FHIT: variants seen among roughly 807,000 people sequenced by gnomAD.
FHIT encodes bis(5'-adenosyl)-triphosphatase.
A neutral mutation model predicts 17.9 loss-of-function variants in FHIT; 19 were observed. The ratio of observed to expected loss-of-function variants is 1.06; its 90% CI spans 0.74 to 1.56. The LOEUF (loss-of-function observed/expected upper bound fraction) is 1.56. FHIT is among the 40% of genes most tolerant of loss of function. The pLI is 0.00. For synonymous variants in FHIT, 81 were observed against 69.7 expected (o/e 1.16, Z -0.81); for missense variants, 248 against 189.2 (o/e 1.31, Z -1.82).
intron 2 of FHIT, among the ~76,000 whole-genome samples, chr3:61,190,873 T>C (rs1396245211): frequency 7.2e-6 from 1 of 139,452 alleles, no homozygotes; most frequent in Non-Finnish European, 1.5e-5. Context: ...TAGCTGGGAA[T>C]TGAACAATGA....
rs143753513 is a variant in FHIT at position 60,214,795 on chromosome 3, A to G, written c.104-200643T>C. Reference sequence around the variant, plus strand: ...CCCATCAACAGTGAACTGGATAAAGAAAATGTGGTACATATATACCACAGA... The same window carrying G: ...CCCATCAACAGTGAACTGGATAAAGGAAATGTGGTACATATATACCACAGA... On this transcript the variant is annotated intron_variant, in intron 5 of 9. Coordinates refer to ENST00000492590, the MANE Select transcript of FHIT (RefSeq NM_002012.4). Among the ~76,000 whole-genome samples, 996 of 152,288 alleles carry G rather than the reference A, an allele frequency of 6.5e-3. 9 individuals carry two copies. The highest frequency in any genetic ancestry group is 0.027 in the Middle Eastern group (8 of 294).
intron 2 of FHIT, among the ~76,000 whole-genome samples, chr3:61,177,525 T>C (rs1358814603): frequency 6.6e-6 from 1 of 152,172 alleles, no homozygotes; most frequent in Non-Finnish European, 1.5e-5. Flanking sequence ...TATTTTCCAA[T>C]ACCAAAATAT....
intron 3 of FHIT, among the ~76,000 whole-genome samples, chr3:60,904,037 A>G (rs1272161430): frequency 6.6e-6 from 1 of 152,196 alleles, no homozygotes; most frequent in African/African-American, 2.4e-5. Flanking sequence ...TAAACGAGAA[A>G]GAGTATCACT....
intron 4 of FHIT, among the ~76,000 whole-genome samples, chr3:60,757,740 G>A (rs1699495138): frequency 6.6e-6 from 1 of 152,194 alleles, no homozygotes; most frequent in Admixed American, 6.5e-5. Context: ...GGAATTAATT[G>A]TAAGCACAAG....
At chr3:60,586,802 T>A (rs62249089) in intron 4 of FHIT, among the ~76,000 whole-genome samples, 1 of 151,922 alleles carries the variant, frequency 6.6e-6, no homozygotes, top group African/African-American at 2.4e-5. Context: ...TGAAAACTCA[T>A]GGATACAAAG....
At chr3:60,616,898 T>A (rs1296215373) in intron 4 of FHIT, 1 of 153,364 alleles carries the variant, frequency 6.5e-6, no homozygotes, top group Non-Finnish European at 1.5e-5. Context: ...AACTTTCACT[T>A]TAATTCAAAA....
intron 2 of FHIT, among the ~76,000 whole-genome samples, chr3:61,123,259 C>G (rs183940190): frequency 9.9e-5 from 15 of 152,142 alleles, no homozygotes; most frequent in African/African-American, 3.6e-4. Context: ...GAACAGAAAA[C>G]CAAACACTGC....
At chr3:60,648,963 T>C (rs1367981132) in intron 4 of FHIT, among the ~76,000 whole-genome samples, 1 of 152,194 alleles carries the variant, frequency 6.6e-6, no homozygotes, top group Non-Finnish European at 1.5e-5. Context: ...GCAGTTAACA[T>C]TGTGTATGCC....
At chr3:59,958,449 G>GA (rs1172242653) in intron 7 of FHIT, among the ~76,000 whole-genome samples, 2 of 151,966 alleles carry the variant, frequency 1.3e-5, no homozygotes, top group Admixed American at 6.6e-5. Flanking sequence ...TTCCTCTTTT[G>GA]AAAAAAACTC....
intron 3 of FHIT, among the ~76,000 whole-genome samples, chr3:60,952,224 C>T (rs1351986560): frequency 1.4e-5 from 2 of 147,824 alleles, no homozygotes; most frequent in Non-Finnish European, 3.0e-5. Flanking sequence ...TATACCACAC[C>T]GAATCAGTCG....
At chr3:60,472,879 C>G (rs1205655730) in intron 5 of FHIT, among the ~76,000 whole-genome samples, 1 of 152,054 alleles carries the variant, frequency 6.6e-6, no homozygotes, top group Admixed American at 6.6e-5. Context: ...ATTATCGTAT[C>G]TCAATTTGCA....
chr3:61,011,159 TTG>T (rs1301664393), intron 3 of FHIT, among the ~76,000 whole-genome samples: 1 of 152,194 alleles, frequency 6.6e-6, no homozygotes, highest in African/African-American at 2.4e-5. Flanking sequence ...AAAAGTTTTC[TTG>T]TGTAGCTTAG....
chr3:60,100,743 C>T (rs765257087), intron 5 of FHIT, among the ~76,000 whole-genome samples: 10 of 152,106 alleles, frequency 6.6e-5, no homozygotes, highest in Admixed American at 1.3e-4. Flanking sequence ...ATCATGACTT[C>T]TTTTCTAATC....
chr3:59,844,066 T>G (rs1701628629), intron 8 of FHIT, among the ~76,000 whole-genome samples: 1 of 152,142 alleles, frequency 6.6e-6, no homozygotes, highest in Non-Finnish European at 1.5e-5. Flanking sequence ...TGCTCATGCT[T>G]CACTGTCTGC....
At chr3:60,083,875 G>C (rs1703390595) in intron 5 of FHIT, among the ~76,000 whole-genome samples, 1 of 152,138 alleles carries the variant, frequency 6.6e-6, no homozygotes, top group African/African-American at 2.4e-5. Flanking sequence ...ATCATCCTCA[G>C]ACAAAATTTA....
intron 2 of FHIT, among the ~76,000 whole-genome samples, chr3:61,063,450 C>T (rs899381563): frequency 1.3e-5 from 2 of 152,038 alleles, no homozygotes; most frequent in African/African-American, 4.8e-5. Context: ...ATACTCCCTT[C>T]TACAGGCATA....
At chr3:60,912,571 C>G (rs962187577) in intron 3 of FHIT, among the ~76,000 whole-genome samples, 1 of 152,160 alleles carries the variant, frequency 6.6e-6, no homozygotes, top group African/African-American at 2.4e-5. Context: ...TCTCTGTCTT[C>G]CCCCTATTTG....
intron 4 of FHIT, among the ~76,000 whole-genome samples, chr3:60,811,674 A>C (rs1394315744): frequency 6.6e-6 from 1 of 152,106 alleles, no homozygotes; most frequent in Admixed American, 6.6e-5. Context: ...CACATATAAC[A>C]TGGAAATGAC....
At chr3:60,024,656 T>A (rs1700671378) in intron 5 of FHIT, among the ~76,000 whole-genome samples, 1 of 152,100 alleles carries the variant, frequency 6.6e-6, no homozygotes, top group Non-Finnish European at 1.5e-5. Context: ...TAGTAACTAC[T>A]GTGAAAATAT....
Sources: allele counts gnomAD v4.1 joint callset (sites outside exome capture counted in the v4.1 genomes callset), GRCh38; gene constraint gnomAD v4.1.1; transcripts MANE v1.5; gene names NCBI Gene and HGNC (gene_info 2026-07-23, HGNC 2026-07-21).